The following SLIT3 variants were observed in gnomAD, a reference collection of about 807,000 sequenced individuals.
The protein encoded by SLIT3 is slit guidance ligand 3.
Under a neutral mutation model 184.0 loss-of-function variants are expected in SLIT3, and 68 were observed. The observed-to-expected ratio is 0.37, with a 90% CI of 0.30 to 0.45. SLIT3 has a LOEUF of 0.45. Ranked by LOEUF, SLIT3 falls within the 20% of genes least tolerant of loss-of-function variation. The pLI is 1.00. For missense variants in SLIT3, 1,707 were observed against 2,026.0 expected, an observed-to-expected ratio of 0.84 and a Z score of 3.02; for synonymous variants, 831 against 828.6, an observed-to-expected ratio of 1.00 and a Z score of -0.05.
At chr5:169,258,527 T>C (rs944669695) in intron 1 of SLIT3, among the ~76,000 whole-genome samples, 3 of 152,230 alleles carry the variant, frequency 2.0e-5, no homozygotes, top group Non-Finnish European at 4.4e-5. Flanking sequence ...GTTTTGGTCA[T>C]GTTGCTCAGC....
intron 4 of SLIT3, among the ~76,000 whole-genome samples, chr5:168,964,767 G>C (rs76195082): frequency 0.04 from 6,084 of 152,278 alleles, 157 homozygotes; most frequent in Middle Eastern, 0.065. Context: ...TTGTTAGTAG[G>C]TGAACCCTCT....
At chr5:169,126,586 G>A (rs147565696) in intron 4 of SLIT3, among the ~76,000 whole-genome samples, 113 of 152,326 alleles carry the variant, frequency 7.4e-4, no homozygotes, top group Non-Finnish European at 1.4e-3. Flanking sequence ...TTGACACAGA[G>A]CACTGCCTCT....
At chr5:168,883,896 T>G (rs553525147) in intron 4 of SLIT3, among the ~76,000 whole-genome samples, 2 of 152,196 alleles carry the variant, frequency 1.3e-5, no homozygotes, top group East Asian at 3.9e-4. Flanking sequence ...ACCTTCTTAG[T>G]GACAGGCACG....
At chr5:168,871,256 A>G (rs1319935543) in intron 5 of SLIT3, among the ~76,000 whole-genome samples, 1 of 152,218 alleles carries the variant, frequency 6.6e-6, no homozygotes, top group Non-Finnish European at 1.5e-5. Flanking sequence ...CAAATAATCC[A>G]GGATAATCTA....
At chr5:169,112,273 C>T (rs1050261271) in intron 4 of SLIT3, among the ~76,000 whole-genome samples, 8 of 152,160 alleles carry the variant, frequency 5.3e-5, no homozygotes, top group Non-Finnish European at 1.0e-4. Context: ...GTGATAACAG[C>T]GCTGACAGTG....
At chr5:169,267,346 T>G (rs1192809220) in intron 1 of SLIT3, among the ~76,000 whole-genome samples, 1 of 152,216 alleles carries the variant, frequency 6.6e-6, no homozygotes, top group Non-Finnish European at 1.5e-5. Context: ...AAAGTTTAGC[T>G]AAACTAATAA....
rs117716771 is a variant in SLIT3 at position 169,084,117 on chromosome 5, C to T, written c.413+109362G>A. ...ACTCTTGTTTCAGTTTGGCCGAGAG[C>T]GGGATATTAGAGACTCCTAGACAAT... On this transcript the variant is annotated intron_variant, in intron 4 of 35. Transcript: ENST00000519560. 2.6e-4 allele frequency among the ~76,000 whole-genome samples: 40 copies of T among 152,142 alleles called. No homozygotes were observed. In the East Asian group the frequency reaches 6.4e-3, roughly 24 times the overall value.
chr5:168,854,359 T>TG lies in SLIT3; in HGVS notation c.486-9705dup, dbSNP rs200237018. On this transcript the variant is annotated intron_variant, in intron 5 of 35. Transcript: ENST00000519560. The stretch of plus-strand genomic sequence containing the variant: ...AGAAGATGGTGTTGAGGGTGGGGGG[T>TG]GGGGGGAGCAGCACACTCAACAGTG... 7.3e-3 allele frequency among the ~76,000 whole-genome samples: 691 copies of TG among 94,670 alleles called. 9 individuals carry two copies. The highest frequency in any genetic ancestry group is 0.028 in the African/African-American group (662 of 23,948). The allele number at this position is 94,670 out of a possible 152,430, so 62.1% of individuals were successfully genotyped here.
In SLIT3 at chr5:168,832,248, A is replaced by G. The variant is rs1006458303; in HGVS notation, c.558-8917T>C. Among the ~76,000 whole-genome samples the G allele has an allele frequency of 3.3e-5, 5 of 152,230 alleles. No homozygotes were observed. In the East Asian group the frequency reaches 9.6e-4, roughly 29 times the overall value. ...TCCACAGATGCAAGAGTGACCTCCA[A>G]CTTACATTACTGGACAGGTGAGTTT... On this transcript the variant is annotated intron_variant, in intron 6 of 35. Coordinates refer to ENST00000519560, the MANE Select transcript of SLIT3 (RefSeq NM_003062.4).
Position 168,670,485 on chromosome 5 carries a change from T to C in SLIT3, c.4128-494A>G, listed in dbSNP as rs186316169. 2.6e-4 allele frequency among the ~76,000 whole-genome samples: 40 copies of C among 152,208 alleles called. No individual in the cohort carries two copies. The East Asian group carries it at 4.1e-3, about 15-fold the overall frequency. The stretch of plus-strand genomic sequence containing the variant: ...AGTACATTTCACCCATGGAAAAAAA[T>C]GAAGGTAAAGCCTATATTCTGAATC... On this transcript the variant is annotated intron_variant, in intron 34 of 35. Transcript: ENST00000519560.
At chr5:168,878,780 T>C (rs1414444624) in intron 5 of SLIT3, among the ~76,000 whole-genome samples, 1 of 151,244 alleles carries the variant, frequency 6.6e-6, no homozygotes, top group Non-Finnish European at 1.5e-5. Flanking sequence ...AATGGTGCGA[T>C]CTTGGCTCAC....
intron 2 of SLIT3, among the ~76,000 whole-genome samples, chr5:169,247,511 T>C (rs971176056): frequency 2.6e-5 from 4 of 152,188 alleles, no homozygotes; most frequent in African/African-American, 9.7e-5. Context: ...CCAGCCCTTC[T>C]ATAATGAATC....
intron 4 of SLIT3, among the ~76,000 whole-genome samples, chr5:169,162,643 G>A (rs1030357222): frequency 6.6e-6 from 1 of 152,218 alleles, no homozygotes; most frequent in African/African-American, 2.4e-5. Flanking sequence ...CGTGTTCAGA[G>A]GTTTGGGGTC....
intron 25 of SLIT3, chr5:168,710,058 A>G (rs1762505031): frequency 6.6e-6 from 1 of 152,190 alleles, no homozygotes; most frequent in Non-Finnish European, 1.5e-5. Flanking sequence ...CAAACAGAGA[A>G]AGATCTTTAT....
rs143815695 is a variant in SLIT3, at chr5:168,710,977, A to G, written c.2637T>C (p.Pro879=). The change falls in exon 25 of 36, where the codon CCT becomes CCC. Residue 879 remains proline (P), a synonymous_variant. Transcript: ENST00000519560. ...SEWVKAGYKE[P]GIARCSSPEP... ...CAGGGCTACTGCAGCGGGCGATGCC[A>G]GGCTCCTTGTACCCCGCCTTCACCC... 8.1e-4 allele frequency: 1,272 copies of G among 1,568,684 alleles called. 9 individuals carry two copies. In the African/African-American group the frequency reaches 0.015, roughly 19 times the overall value.
chr5:168,928,525 C>T (rs1174039330), intron 4 of SLIT3, among the ~76,000 whole-genome samples: 1 of 152,164 alleles, frequency 6.6e-6, no homozygotes, highest in Non-Finnish European at 1.5e-5. Context: ...CCGTGTATGT[C>T]GTCTCTGCCT....
intron 4 of SLIT3, among the ~76,000 whole-genome samples, chr5:168,893,315 C>G (rs532838711): frequency 6.6e-4 from 100 of 152,244 alleles, no homozygotes; most frequent in Middle Eastern, 3.4e-3. Context: ...GAAAGGGAAC[C>G]CATTTCTATA....
chr5:168,681,456 G>A (rs1457407785), intron 32 of SLIT3, among the ~76,000 whole-genome samples: 1 of 152,184 alleles, frequency 6.6e-6, no homozygotes, highest in Non-Finnish European at 1.5e-5. Flanking sequence ...CTAGAGCCTT[G>A]GGCCCCTGAG....
rs147864592 is a variant in SLIT3 at position 168,918,016 on chromosome 5, C to T, written c.414-34680G>A. On this transcript the variant is annotated intron_variant, in intron 4 of 35. Coordinates refer to ENST00000519560, the MANE Select transcript of SLIT3 (RefSeq NM_003062.4). ...TATCTAGAGGAAGATCTACAAAGGG[C>T]TAAAGTCACCTCTATAAATTTAAAC... Among the ~76,000 whole-genome samples, 52 of 152,250 alleles carry T rather than the reference C, an allele frequency of 3.4e-4. 1 individual carries two copies. The highest frequency in any genetic ancestry group is 1.9e-3 in the East Asian group (10 of 5,180).
Sources: allele counts gnomAD v4.1 joint callset (sites outside exome capture counted in the v4.1 genomes callset), GRCh38; gene constraint gnomAD v4.1.1; transcripts MANE v1.5; gene names NCBI Gene and HGNC (gene_info 2026-07-23, HGNC 2026-07-21).